The following CLEC17A variants were observed in gnomAD, a reference collection of about 807,000 sequenced individuals.
The protein encoded by CLEC17A is C-type lectin domain containing 17A.
A neutral mutation model predicts 61.3 loss-of-function variants in CLEC17A; 37 were observed. The ratio of observed to expected loss-of-function variants is 0.60; its 90% CI spans 0.46 to 0.79. CLEC17A has a LOEUF of 0.79. Among genes scored for constraint, CLEC17A ranks in the 30% least tolerant of loss-of-function variants. The probability of loss-of-function intolerance (pLI) is 0.00; values close to 1 mark genes in which losing one functional copy is unlikely to be tolerated. For missense variants in CLEC17A, 418 were observed against 464.7 expected, an observed-to-expected ratio of 0.90 and a Z score of 0.92; for synonymous variants, 168 against 164.9, an observed-to-expected ratio of 1.02 and a Z score of -0.14.
Position 14,597,169 on chromosome 19 carries a change from C to G in CLEC17A, c.646+8C>G, listed in dbSNP as rs756886092. 1 of 1,604,412 alleles carries G rather than the reference C, an allele frequency of 6.2e-7. No homozygotes were observed. The highest frequency in any genetic ancestry group is 1.1e-5 in the South Asian group (1 of 89,286). Reference sequence around the variant, plus strand: ...TGACGTGGCGAACAAATAGTGAGTGCTTTCAGTCATTCCTTCATGCCACTC... The same window carrying G: ...TGACGTGGCGAACAAATAGTGAGTGGTTTCAGTCATTCCTTCATGCCACTC... On this transcript the variant is annotated splice_region_variant and intron_variant, in intron 10 of 13. Transcript: ENST00000417570.
At chr19:14,609,042 T>C (rs10404194) in intron 13 of CLEC17A, among the ~76,000 whole-genome samples, 109,944 of 151,910 alleles carry the variant, frequency 0.72, 40,259 homozygotes, top group African/African-American at 0.84. Flanking sequence ...TCAGGTGATC[T>C]ACCCGTCTTG....
At chr19:14,595,608 T>C (rs1319713480) in intron 8 of CLEC17A, among the ~76,000 whole-genome samples, 1 of 151,924 alleles carries the variant, frequency 6.6e-6, no homozygotes, top group Non-Finnish European at 1.5e-5. Context: ...GTGATTGTGA[T>C]GGAAGGATGA....
chr19:14,589,266 T>C (rs1816269), intron 3 of CLEC17A, among the ~76,000 whole-genome samples: 2,599 of 108,438 alleles, frequency 0.024, 45 homozygotes, highest in African/African-American at 0.066. Flanking sequence ...AATCCAAACC[T>C]CACCTCATCT....
At chr19:14,609,654 A>G (rs935838241) in intron 13 of CLEC17A, among the ~76,000 whole-genome samples, 4 of 151,658 alleles carry the variant, frequency 2.6e-5, no homozygotes, top group Non-Finnish European at 5.9e-5. Context: ...CCTGGCCAAC[A>G]TGGTGAAACC....
In CLEC17A at chr19:14,595,314, C is replaced by T. The variant is rs199988578; in HGVS notation, c.444C>T (p.Ala148=). ...LEPSPLQPSL[A]ATPVPWLNQR... is the part of the protein sequence containing the mutation. ...CTTCTCCATTGCAGCCATCCCTGGC[C>T]GGTAAGTGTCCTCCCATTTCCCCTC... The change falls in exon 8 of 14, where the codon GCC becomes GCT. Residue 148 remains alanine, a splice_region_variant and synonymous_variant. Coordinates refer to ENST00000417570, the MANE Select transcript of CLEC17A (RefSeq NM_001204118.2). The T allele has an allele frequency of 3.4e-5, 55 of 1,613,750 alleles. No homozygotes were observed. The highest frequency in any genetic ancestry group is 1.7e-4 in the African/African-American group (13 of 74,918).
chr19:14,581,915 G>T (rs1450160642), upstream of CLEC17A, among the ~76,000 whole-genome samples: 1 of 152,174 alleles, frequency 6.6e-6, no homozygotes, highest in East Asian at 1.9e-4. Context: ...GCCTCCCAAA[G>T]TGTTGGGATT....
chr19:14,593,337 A>G (rs1300942222), intron 4 of CLEC17A, among the ~76,000 whole-genome samples: 1 of 147,156 alleles, frequency 6.8e-6, no homozygotes, highest in Non-Finnish European at 1.5e-5. Context: ...CTCTACCAAA[A>G]AAAAAAAAAA....
At chr19:14,606,739 C>G (rs2074885512) in intron 12 of CLEC17A, among the ~76,000 whole-genome samples, 1 of 151,788 alleles carries the variant, frequency 6.6e-6, no homozygotes, top group Admixed American at 6.6e-5. Context: ...TACTGTGAAC[C>G]CATTTTACAG....
intron 13 of CLEC17A, among the ~76,000 whole-genome samples, chr19:14,607,634 G>A (rs1330351848): frequency 6.6e-6 from 1 of 151,728 alleles, no homozygotes; most frequent in African/African-American, 2.4e-5. Context: ...GGAGTGCAAT[G>A]GTGCGATCTC....
At chr19:14,582,245 C>T (rs192152267), upstream of CLEC17A, among the ~76,000 whole-genome samples, 37 of 150,010 alleles carry the variant, frequency 2.5e-4, no homozygotes, top group African/African-American at 8.9e-4. Context: ...CGGAGTCTCG[C>T]TCTGTCACCC....
At position 14,594,393 on chromosome 19, in the gene CLEC17A, C is replaced by G; in HGVS notation, c.278-124C>G. ...ATCCCTAATCCCAATTGCATTCTTA[C>G]GTCCAACCCCGTCTGTAACCTAATC... On this transcript the variant is annotated intron_variant, in intron 4 of 13. Coordinates refer to ENST00000417570, the MANE Select transcript of CLEC17A (RefSeq NM_001204118.2). 5.4e-6 allele frequency: 7 copies of G among 1,284,724 alleles called. No individual in the cohort carries two copies. In the East Asian group the frequency reaches 1.0e-4, roughly 19 times the overall value. 79.6% of individuals were successfully genotyped at this position (1,284,724 alleles called of 1,614,324 possible). A position where few individuals can be genotyped will look rare whatever the true frequency, so the allele number is the denominator to read the frequency against.
rs748074691 is a variant in CLEC17A, at chr19:14,592,262, C to G, written c.200-19C>G. 2 of 1,574,806 alleles carry G rather than the reference C, an allele frequency of 1.3e-6. No individual in the cohort carries two copies. The highest frequency in any genetic ancestry group is 2.3e-5 in the South Asian group (2 of 86,682). On this transcript the variant is annotated intron_variant, in intron 3 of 13. Transcript: ENST00000417570. Reference sequence around the variant, plus strand: ...GGAGGAGGGAATGGCTGGGCTCTGACTTGCCTTTCCCCTGGAAGGGACCAT... The same window carrying G: ...GGAGGAGGGAATGGCTGGGCTCTGAGTTGCCTTTCCCCTGGAAGGGACCAT...
intron 12 of CLEC17A, among the ~76,000 whole-genome samples, chr19:14,600,768 G>A (rs976975032): frequency 6.6e-6 from 1 of 151,298 alleles, no homozygotes; most frequent in Non-Finnish European, 1.5e-5. Flanking sequence ...TGTATTTTTA[G>A]TAGAGACAGG....
At chr19:14,609,917 C>A in intron 13 of CLEC17A, 147 bp from the exon 14 acceptor site, 1 of 610,934 alleles carries the variant, frequency 1.6e-6, no homozygotes, top group South Asian at 2.1e-5. Context: ...TCACTGTGCC[C>A]GGCTTACAGG....
intron 12 of CLEC17A, among the ~76,000 whole-genome samples, chr19:14,604,924 G>A (rs1002112361): frequency 5.3e-5 from 8 of 152,282 alleles, no homozygotes; most frequent in African/African-American, 1.9e-4. Flanking sequence ...ATTCCAGGAT[G>A]TGGAAAGCTG....
intron 7 of CLEC17A, 140 bp from the exon 8 acceptor site, chr19:14,595,134 A>T (rs2074512887): frequency 1.0e-6 from 1 of 954,518 alleles, no homozygotes; most frequent in Non-Finnish European, 1.6e-6. Context: ...AGCCTCCGAC[A>T]GTGCTGGAAT....
Position 14,595,309 on chromosome 19 carries a change from C to G in CLEC17A, c.439C>G (p.Leu147Val), listed in dbSNP as rs1045706174. 1.5e-5 allele frequency: 25 copies of G among 1,613,976 alleles called. No individual in the cohort carries two copies. The highest frequency in any genetic ancestry group is 1.9e-5 in the Non-Finnish European group (23 of 1,179,846). Residue 147 changes from leucine to valine, a missense_variant, in exon 8 of 14, where the codon CTG becomes GTG. Transcript: ENST00000417570. The stretch of plus-strand genomic sequence containing the variant: ...TGAGCCTTCTCCATTGCAGCCATCC[C>G]TGGCCGGTAAGTGTCCTCCCATTTC... ...NLEPSPLQPS[L>V]AATPVPWLNQ...
At chr19:14,597,384 G>A (rs2074576829) in intron 10 of CLEC17A, among the ~76,000 whole-genome samples, 1 of 152,188 alleles carries the variant, frequency 6.6e-6, no homozygotes, top group Non-Finnish European at 1.5e-5. Flanking sequence ...GTGGCCACAA[G>A]CCATATGTGG....
chr19:14,608,628 ATT>A lies in CLEC17A; in HGVS notation c.1005-1414_1005-1413del, dbSNP rs71166765. 4.1e-3 allele frequency among the ~76,000 whole-genome samples: 491 copies of A among 119,666 alleles called. 4 individuals carry two copies. The highest frequency in any genetic ancestry group is 0.014 in the African/African-American group (438 of 30,886). The allele number at this position is 119,666 out of a possible 152,430, so 78.5% of individuals were successfully genotyped here. A position where few individuals can be genotyped will look rare whatever the true frequency, so the allele number is the denominator to read the frequency against. On this transcript the variant is annotated intron_variant, in intron 13 of 13. Coordinates refer to ENST00000417570, the MANE Select transcript of CLEC17A (RefSeq NM_001204118.2). ...AGGGAGGGTGGAAGGATGAGGAAGA[ATT>A]TTTTTTTTTTTTTTTTTTTTTGAGA...
Sources: allele counts gnomAD v4.1 joint callset (sites outside exome capture counted in the v4.1 genomes callset), GRCh38; gene constraint gnomAD v4.1.1; transcripts MANE v1.5; gene names NCBI Gene and HGNC (gene_info 2026-07-23, HGNC 2026-07-21).